The following CIMIP6 variants were observed in gnomAD, a reference collection of about 807,000 sequenced individuals.
CIMIP6 encodes uncharacterized protein C2orf73.
the CIMIP6 span, among the ~76,000 whole-genome samples, chr2:54,377,033 C>G: frequency 1.3e-5 from 2 of 152,188 alleles, no homozygotes; most frequent in African/African-American, 2.4e-5. Flanking sequence ...TTCCTGACTT[C>G]GGTTCTCTCG....
the CIMIP6 span, among the ~76,000 whole-genome samples, chr2:54,342,639 C>A: frequency 6.6e-6 from 1 of 151,116 alleles, no homozygotes; most frequent in Non-Finnish European, 1.5e-5. Context: ...AGAAACATCT[C>A]CCTTTTTGCA....
At chr2:54,346,953 A>G in the CIMIP6 span, among the ~76,000 whole-genome samples, 1 of 152,204 alleles carries the variant, frequency 6.6e-6, no homozygotes, top group Non-Finnish European at 1.5e-5. Flanking sequence ...ATTATCTTCT[A>G]TTGCTCATAA....
At chr2:54,341,970 C>G in the CIMIP6 span, among the ~76,000 whole-genome samples, 1 of 152,168 alleles carries the variant, frequency 6.6e-6, no homozygotes, top group Non-Finnish European at 1.5e-5. Context: ...GGATCTACAT[C>G]AAGTAGTCTT....
At chr2:54,340,875 G>C in the CIMIP6 span, among the ~76,000 whole-genome samples, 14 of 152,102 alleles carry the variant, frequency 9.2e-5, no homozygotes, top group Admixed American at 9.2e-4. Flanking sequence ...TAAGGTGGGA[G>C]GATCACCTGA....
At chr2:54,335,062 G>A in the CIMIP6 span, 136 of 1,481,016 alleles carry the variant, frequency 9.2e-5, no homozygotes, top group Non-Finnish European at 1.1e-4. Flanking sequence ...TAGAGATTTA[G>A]ATTCAGATGC....
At chr2:54,334,187 C>A in the CIMIP6 span, among the ~76,000 whole-genome samples, 2 of 152,156 alleles carry the variant, frequency 1.3e-5, no homozygotes, top group Admixed American at 1.3e-4. Context: ...GGAGAAAAAT[C>A]TGATAAGCTG....
At chr2:54,378,506 A>C in the CIMIP6 span, among the ~76,000 whole-genome samples, 2 of 152,226 alleles carry the variant, frequency 1.3e-5, no homozygotes, top group African/African-American at 4.8e-5. Flanking sequence ...AGAACATCAA[A>C]ATTTTGTTTT....
the CIMIP6 span, among the ~76,000 whole-genome samples, chr2:54,348,084 C>T: frequency 3.7e-4 from 57 of 152,222 alleles, 1 homozygote; most frequent in South Asian, 0.011. Context: ...ATTGAATTTG[C>T]CATGTTTAAC....
the CIMIP6 span, among the ~76,000 whole-genome samples, chr2:54,365,762 TA>T: frequency 6.6e-6 from 1 of 152,098 alleles, no homozygotes; most frequent in African/African-American, 2.4e-5. Flanking sequence ...CAGAACACCA[TA>T]AAAATAGGCA....
At chr2:54,380,321 A>G in the CIMIP6 span, among the ~76,000 whole-genome samples, 1 of 152,124 alleles carries the variant, frequency 6.6e-6, no homozygotes, top group South Asian at 2.1e-4. Context: ...CAAATTGCCA[A>G]AGGCTCTTCA....
At chr2:54,378,511 T>C in the CIMIP6 span, among the ~76,000 whole-genome samples, 1 of 152,220 alleles carries the variant, frequency 6.6e-6, no homozygotes, top group Admixed American at 6.5e-5. Flanking sequence ...ATCAAAATTT[T>C]GTTTTGAAAG....
At chr2:54,382,514 G>A in the CIMIP6 span, among the ~76,000 whole-genome samples, 2 of 151,902 alleles carry the variant, frequency 1.3e-5, no homozygotes, top group African/African-American at 4.8e-5. Flanking sequence ...CTCATTTCCT[G>A]CCTCCATGCC....
At chr2:54,352,056 A>C in the CIMIP6 span, among the ~76,000 whole-genome samples, 1 of 152,152 alleles carries the variant, frequency 6.6e-6, no homozygotes, top group Non-Finnish European at 1.5e-5. Context: ...TAAATATTTT[A>C]ATACTGTTTA....
the CIMIP6 span, chr2:54,343,590 G>A: frequency 1.8e-6 from 1 of 563,202 alleles, no homozygotes; most frequent in Non-Finnish European, 2.7e-6. Context: ...CCAGATTTCA[G>A]AACTCCACAT....
At chr2:54,335,932 C>T in the CIMIP6 span, among the ~76,000 whole-genome samples, 1 of 152,136 alleles carries the variant, frequency 6.6e-6, no homozygotes, top group African/African-American at 2.4e-5. Context: ...GACCCACTCT[C>T]CTGACTCTCT....
At chr2:54,372,850 C>T in the CIMIP6 span, among the ~76,000 whole-genome samples, 11 of 152,150 alleles carry the variant, frequency 7.2e-5, no homozygotes, top group African/African-American at 2.7e-4. Flanking sequence ...TATTGTACTG[C>T]AATAGCTAAC....
the CIMIP6 span, among the ~76,000 whole-genome samples, chr2:54,376,224 G>A: frequency 2.6e-4 from 38 of 148,276 alleles, no homozygotes; most frequent in Admixed American, 2.2e-3. Flanking sequence ...TTTTTTTTTG[G>A]GTAGAGACAG....
chr2:54,359,043 G>A, the CIMIP6 span: 3 of 1,542,122 alleles, frequency 1.9e-6, no homozygotes, highest in South Asian at 1.2e-5. Flanking sequence ...TATGATGCCA[G>A]AAAAACTCCG....
chr2:54,341,340 C>T, the CIMIP6 span, among the ~76,000 whole-genome samples: 2 of 152,162 alleles, frequency 1.3e-5, no homozygotes, highest in African/African-American at 4.8e-5. Flanking sequence ...TTTTGCTCTT[C>T]TGCCTTCCAC....
Sources: gnomAD v4.1 joint callset for allele counts (sites outside exome capture counted in the v4.1 genomes callset) on GRCh38, gnomAD v4.1.1 for gene constraint, MANE v1.5 for transcripts, NCBI Gene and HGNC (gene_info 2026-07-23, HGNC 2026-07-21) for gene names.